The following PTGER3 variants were observed in gnomAD, a reference collection of about 807,000 sequenced individuals.
The protein encoded by PTGER3 is prostaglandin E2 receptor EP3 subtype.
A neutral mutation model predicts 34.7 loss-of-function variants in PTGER3; 22 were observed. That is an observed-to-expected ratio of 0.63 (90% confidence interval 0.45 to 0.91). The LOEUF (loss-of-function observed/expected upper bound fraction) is 0.91, where lower values mean the gene tolerates loss of function less well. Among genes scored for constraint, PTGER3 ranks in the 40% least tolerant of loss-of-function variants. The pLI, the probability that PTGER3 is intolerant of heterozygous loss-of-function variation, is 0.00. For missense variants in PTGER3, 468 were observed against 519.4 expected (o/e 0.90, Z 0.96); for synonymous variants, 241 against 230.1 (o/e 1.05, Z -0.43).
At chr1:70,962,264 AT>A (rs1172232283) in intron 2 of PTGER3, among the ~76,000 whole-genome samples, 3 of 152,120 alleles carry the variant, frequency 2.0e-5, no homozygotes, top group African/African-American at 7.2e-5. Flanking sequence ...TTAATTTGTT[AT>A]TTTTCCTGGA....
intron 2 of PTGER3, among the ~76,000 whole-genome samples, chr1:70,996,637 A>AC (rs1312163275): frequency 3.5e-4 from 17 of 48,630 alleles, no homozygotes; most frequent in African/African-American, 2.8e-3. Context: ...ATTTTTTTGT[A>AC]TTTTTATTTA....
intron 2 of PTGER3, chr1:71,011,480 C>T (rs1657442180): frequency 2.0e-6 from 2 of 985,302 alleles, no homozygotes; most frequent in Non-Finnish European, 2.4e-6. Flanking sequence ...TCACGACTCT[C>T]ATAGGTCAGT....
chr1:70,940,806 T>G (rs2100542839), intron 4 of PTGER3, among the ~76,000 whole-genome samples: 1 of 152,260 alleles, frequency 6.6e-6, no homozygotes, highest in Non-Finnish European at 1.5e-5. Context: ...ACAAACCATA[T>G]CACCTGGGTA....
intron 4 of PTGER3, among the ~76,000 whole-genome samples, chr1:70,916,879 A>G (rs1647185433): frequency 6.6e-6 from 1 of 151,984 alleles, no homozygotes; most frequent in Admixed American, 6.6e-5. Flanking sequence ...TTGTTTGGAT[A>G]TTAATATGAC....
chr1:70,880,621 C>T (rs546983543), intron 4 of PTGER3, among the ~76,000 whole-genome samples: 9 of 148,136 alleles, frequency 6.1e-5, no homozygotes, highest in East Asian at 2.0e-4. Flanking sequence ...ACCCAGGAGG[C>T]GGAGGTTGCA....
chr1:70,872,062 A>G (rs1035194798), intron 4 of PTGER3, among the ~76,000 whole-genome samples: 1 of 152,200 alleles, frequency 6.6e-6, no homozygotes, highest in Non-Finnish European at 1.5e-5. Context: ...AAGGGAGGGA[A>G]GAAAAGGAGA....
chr1:70,858,124 T>C (rs772939271), intron 4 of PTGER3, among the ~76,000 whole-genome samples: 6 of 152,232 alleles, frequency 3.9e-5, no homozygotes, highest in Non-Finnish European at 8.8e-5. Context: ...ATCTCTATAG[T>C]TCACATCTCA....
chr1:70,899,539 A>G (rs1646792099), intron 4 of PTGER3, among the ~76,000 whole-genome samples: 1 of 152,102 alleles, frequency 6.6e-6, no homozygotes, highest in Admixed American at 6.6e-5. Context: ...GAGTTCTGAG[A>G]GAGTGAGGGG....
rs958443946 is a variant in PTGER3, at chr1:70,862,280, A to G, written c.*24-9421T>C. On this transcript the variant is annotated intron_variant, in intron 4 of 4. Transcript: ENST00000370931. Reference sequence around the variant, plus strand: ...AAAAAAAATATTAATAGTAACTGGTAAGTTCTTTGGAGATCATGACTTACA... The same window carrying G: ...AAAAAAAATATTAATAGTAACTGGTGAGTTCTTTGGAGATCATGACTTACA... The G allele has an allele frequency of 4.0e-6, 5 of 1,240,560 alleles. No individual in the cohort carries two copies. The Admixed American group carries it at 1.1e-4, about 27-fold the overall frequency. 76.8% of individuals were successfully genotyped at this position (1,240,560 alleles called of 1,614,324 possible).
intron 2 of PTGER3, among the ~76,000 whole-genome samples, chr1:70,993,633 G>T (rs1412766355): frequency 6.6e-6 from 1 of 152,204 alleles, no homozygotes; most frequent in Non-Finnish European, 1.5e-5. Context: ...CTGGGAGGCT[G>T]CTCAGGTGTG....
intron 2 of PTGER3, chr1:71,007,960 T>C (rs968576703): frequency 1.8e-5 from 18 of 985,236 alleles, no homozygotes; most frequent in Non-Finnish European, 2.2e-5. Context: ...TTCTTATCTT[T>C]ACTCCCATAA....
chr1:70,998,774 G>A (rs1160892499), intron 2 of PTGER3, among the ~76,000 whole-genome samples: 3 of 152,106 alleles, frequency 2.0e-5, no homozygotes, highest in African/African-American at 7.2e-5. Context: ...GATGAACTGA[G>A]GTACTCAGAA....
At chr1:70,889,391 G>T (rs1478879462) in intron 4 of PTGER3, among the ~76,000 whole-genome samples, 1 of 147,446 alleles carries the variant, frequency 6.8e-6, no homozygotes, top group African/African-American at 2.5e-5. Context: ...CTCCAGCCTG[G>T]GCGACAGAGC....
chr1:70,866,690 T>A (rs1646049330), intron 4 of PTGER3, among the ~76,000 whole-genome samples: 1 of 152,134 alleles, frequency 6.6e-6, no homozygotes, highest in African/African-American at 2.4e-5. Flanking sequence ...GGTGCCTTGA[T>A]TTCTGGCCAT....
At chr1:70,921,732 C>T (rs138648588) in intron 4 of PTGER3, among the ~76,000 whole-genome samples, 1 of 152,134 alleles carries the variant, frequency 6.6e-6, no homozygotes, top group Admixed American at 6.6e-5. Context: ...GACCTTGTAA[C>T]CAGGTGGCAG....
intron 4 of PTGER3, among the ~76,000 whole-genome samples, chr1:70,872,160 G>T (rs539885078): frequency 6.6e-6 from 1 of 152,258 alleles, no homozygotes; most frequent in African/African-American, 2.4e-5. Flanking sequence ...TGAGTTTGAG[G>T]TTTATTGGAC....
intron 2 of PTGER3, among the ~76,000 whole-genome samples, chr1:70,961,718 T>G (rs1651950804): frequency 6.6e-6 from 1 of 152,242 alleles, no homozygotes; most frequent in South Asian, 2.1e-4. Context: ...AAAAGCACTT[T>G]CTCTTTATTT....
rs373397804 is a variant in PTGER3, at chr1:71,018,716, C to T, written c.898-6232G>A. ...CACAAAATTACTTATTAAAATGATACGTCAGTCATTTTACACAGTCCTCCT... is the reference window on the plus strand; with the variant it reads ...CACAAAATTACTTATTAAAATGATATGTCAGTCATTTTACACAGTCCTCCT... On this transcript the variant is annotated intron_variant, in intron 1 of 3. Coordinates refer to ENST00000306666, the MANE Select transcript of PTGER3 (RefSeq NM_198719.2). Among the ~76,000 whole-genome samples, 8 of 152,010 alleles carry T rather than the reference C, an allele frequency of 5.3e-5. No individual in the cohort carries two copies. In the East Asian group the frequency reaches 5.8e-4, roughly 11 times the overall value.
intron 1 of PTGER3, 72 bp downstream of exon 1, chr1:71,046,609 A>T (rs1014011412): frequency 6.7e-7 from 1 of 1,481,746 alleles, no homozygotes; most frequent in African/African-American, 1.4e-5. Flanking sequence ...GGGTGCTGCC[A>T]CTTAGCAAAG....
Sources: allele counts gnomAD v4.1 joint callset (sites outside exome capture counted in the v4.1 genomes callset), GRCh38; gene constraint gnomAD v4.1.1; transcripts MANE v1.5; gene names NCBI Gene and HGNC (gene_info 2026-07-23, HGNC 2026-07-21).